Variants in KDM1B observed in about 807,000 individuals in gnomAD.
KDM1B encodes the protein lysine demethylase 1B.
KDM1B carries 63 observed loss-of-function variants against 107.4 expected under a neutral mutation model. That is an observed-to-expected ratio of 0.59 (90% CI 0.48 to 0.72). The LOEUF (loss-of-function observed/expected upper bound fraction) is 0.72. KDM1B is among the 30% of genes least tolerant of loss of function. The pLI, the probability that KDM1B is intolerant of heterozygous loss-of-function variation, is 0.00. For missense variants in KDM1B, 749 were observed against 1,020.8 expected, an observed-to-expected ratio of 0.73 and a Z score of 3.63; for synonymous variants, 363 against 363.9, an observed-to-expected ratio of 1.00 and a Z score of 0.03.
chr6:18,208,453 G>A, intron 17 of KDM1B, among the ~76,000 whole-genome samples: 1 of 150,880 alleles, frequency 6.6e-6, no homozygotes, highest in Non-Finnish European at 1.5e-5. Flanking sequence ...TGAGTTCTAG[G>A]GCACATTAGT....
intron 17 of KDM1B, among the ~76,000 whole-genome samples, chr6:18,208,603 G>GTGTGTATATATATATATA (rs1359166965): frequency 0.036 from 1,258 of 34,846 alleles, 194 homozygotes; most frequent in Non-Finnish European, 0.048. Flanking sequence ...GTATGTGTAT[G>GTGTGTATATATATATATA]TATATATATA....
At chr6:18,202,244 A>AGG (rs1554148412) in intron 14 of KDM1B, among the ~76,000 whole-genome samples, 7 of 143,564 alleles carry the variant, frequency 4.9e-5, no homozygotes, top group African/African-American at 2.0e-4. Flanking sequence ...ACAAAAAAAA[A>AGG]GGGCGGGGGG....
At chr6:18,208,323 T>G in intron 17 of KDM1B, 117 bp downstream of exon 17, 1 of 702,330 alleles carries the variant, frequency 1.4e-6, no homozygotes, top group Non-Finnish European at 2.5e-6. Flanking sequence ...GGACCCTTGT[T>G]GGATTTCTGG....
intron 15 of KDM1B, among the ~76,000 whole-genome samples, chr6:18,206,765 C>T (rs971132798): frequency 2.0e-5 from 3 of 152,028 alleles, no homozygotes; most frequent in Admixed American, 6.6e-5. Flanking sequence ...TGCAGAGGGC[C>T]TTGGGTCATT....
chr6:18,192,601 T>G (rs1408647728), intron 10 of KDM1B, among the ~76,000 whole-genome samples: 5 of 152,076 alleles, frequency 3.3e-5, no homozygotes, highest in African/African-American at 1.2e-4. Flanking sequence ...AAAATTGTGG[T>G]CAGAGTTTCC....
chr6:18,209,067 A>G lies in KDM1B; in HGVS notation c.1866+861A>G, dbSNP rs1266060897. Among the ~76,000 whole-genome samples the G allele has an allele frequency of 2.0e-5, 3 of 152,178 alleles. No individual in the cohort carries two copies. Among genetic ancestry groups the G allele is most frequent in the Admixed American group, 6.5e-5 (1 of 15,278 alleles). On this transcript the variant is annotated intron_variant, in intron 17 of 21. Coordinates refer to ENST00000650836, the MANE Select transcript of KDM1B (RefSeq NM_001364614.2). The surrounding 1 kb of genome is among the most constrained non-coding windows in gnomAD (Gnocchi z 4.3). ...CCACGGAATCCTTCTTCAGATCAGG[A>G]AAGTTCTGTTTTCATCTTGAAATCT...
rs754124483 is a variant in KDM1B, at chr6:18,171,418, A to G, written c.473A>G (p.Gln158Arg). The G allele has an allele frequency of 2.2e-5, 36 of 1,613,660 alleles. No individual in the cohort carries two copies. The highest frequency in any genetic ancestry group is 2.9e-5 in the Non-Finnish European group (34 of 1,179,644). Residue 158 changes from glutamine to arginine, a missense_variant, in exon 7 of 22, where the codon CAG becomes CGG. Coordinates refer to ENST00000650836, the MANE Select transcript of KDM1B (RefSeq NM_001364614.2). ...TGGAGGCAGCTTACCAAGGAAATCCAGCTTACTCCACAGATAGCCAAGACT... is the reference window on the plus strand; with the variant it reads ...TGGAGGCAGCTTACCAAGGAAATCCGGCTTACTCCACAGATAGCCAAGACT... ...RKWRQLTKEIQLTPQIAKTYR... is the reference protein window; with the variant it reads ...RKWRQLTKEIRLTPQIAKTYR...
At chr6:18,208,256 G>A in intron 17 of KDM1B, 50 bp downstream of exon 17, 1 of 1,349,360 alleles carries the variant, frequency 7.4e-7, no homozygotes. Flanking sequence ...GCTGCCAGGG[G>A]CTTGGAGGGA....
chr6:18,163,334 A>G (rs112955621), intron 5 of KDM1B, among the ~76,000 whole-genome samples: 4 of 152,312 alleles, frequency 2.6e-5, no homozygotes, highest in African/African-American at 9.6e-5. Flanking sequence ...TGCTGGGATT[A>G]CAGGCGTGAG....
At chr6:18,190,304 A>G (rs919419057) in intron 9 of KDM1B, among the ~76,000 whole-genome samples, 1 of 150,972 alleles carries the variant, frequency 6.6e-6, no homozygotes, top group Non-Finnish European at 1.5e-5. Context: ...TTAAAAACAG[A>G]TAAGAAGGCC....
intron 9 of KDM1B, among the ~76,000 whole-genome samples, chr6:18,189,351 A>G (rs1349514661): frequency 6.6e-6 from 1 of 152,218 alleles, no homozygotes; most frequent in African/African-American, 2.4e-5. Flanking sequence ...GACTGCTGTT[A>G]GGGAGAGTGT....
At chr6:18,175,425 C>G (rs1232375892) in intron 7 of KDM1B, among the ~76,000 whole-genome samples, 2 of 152,180 alleles carry the variant, frequency 1.3e-5, no homozygotes, top group African/African-American at 2.4e-5. Flanking sequence ...TTCTCCCACT[C>G]TCTGGGTTGT....
chr6:18,171,830 AAAAGGGGG>A (rs1267055201), intron 7 of KDM1B, among the ~76,000 whole-genome samples: 1 of 152,166 alleles, frequency 6.6e-6, no homozygotes, highest in African/African-American at 2.4e-5. Flanking sequence ...TCCTAAGCAG[AAAAGGGGG>A]AAAGGTCAAA....
chr6:18,221,145 C>T (rs1789699014), intron 21 of KDM1B, among the ~76,000 whole-genome samples: 1 of 152,122 alleles, frequency 6.6e-6, no homozygotes, highest in African/African-American at 2.4e-5. Flanking sequence ...TTCATTGAAG[C>T]CTTTGGCCCC....
intron 21 of KDM1B, among the ~76,000 whole-genome samples, chr6:18,218,216 G>A (rs1789397080): frequency 6.6e-6 from 1 of 152,062 alleles, no homozygotes; most frequent in Non-Finnish European, 1.5e-5. Context: ...AAACTCCCAG[G>A]CTCAGGTGAC....
intron 10 of KDM1B, among the ~76,000 whole-genome samples, chr6:18,195,103 T>G (rs2150952085): frequency 6.6e-6 from 1 of 152,344 alleles, no homozygotes; most frequent in Middle Eastern, 3.4e-3. Context: ...TTTATCCATG[T>G]TGTAGCACGT....
intron 7 of KDM1B, among the ~76,000 whole-genome samples, chr6:18,176,507 G>A (rs527256923): frequency 8.5e-5 from 13 of 152,256 alleles, no homozygotes; most frequent in African/African-American, 2.6e-4. Flanking sequence ...GAGGAGTGGT[G>A]AGATTGGGCA....
Position 18,200,521 on chromosome 6 carries a change from G to T in KDM1B, c.1304G>T (p.Gly435Val), listed in dbSNP as rs2150974059. 1 of 1,614,106 alleles carries T rather than the reference G, an allele frequency of 6.2e-7. No individual in the cohort carries two copies. Among genetic ancestry groups the T allele is most frequent in the Middle Eastern group, 1.7e-4 (1 of 6,060 alleles). The change falls in exon 13 of 22, where the codon GGA (glycine) becomes GTA (valine). Residue 435 changes from glycine to valine, a missense_variant. Coordinates refer to ENST00000650836, the MANE Select transcript of KDM1B (RefSeq NM_001364614.2). The surrounding 1 kb of genome is among the most constrained non-coding windows in gnomAD (Gnocchi z 4.3). ...KSFKGVTVGRGAQIVNGCINN... is the reference protein window; with the variant it reads ...KSFKGVTVGRVAQIVNGCINN... The stretch of plus-strand genomic sequence containing the variant: ...TTTAAAGGCGTCACAGTGGGAAGAG[G>T]AGCTCAGATTGTCAATGGGTGTATT...
At chr6:18,185,157 C>T (rs138607474) in intron 7 of KDM1B, among the ~76,000 whole-genome samples, 3 of 152,254 alleles carry the variant, frequency 2.0e-5, no homozygotes, top group South Asian at 2.1e-4. Context: ...ATGTGTCATA[C>T]GTATTTTCAG....
Sources: gnomAD v4.1 joint callset for allele counts (sites outside exome capture counted in the v4.1 genomes callset) on GRCh38, gnomAD v4.1.1 for gene constraint, Gnocchi (gnomAD v3.1) non-coding constraint, MANE v1.5 for transcripts, NCBI Gene and HGNC (gene_info 2026-07-23, HGNC 2026-07-21) for gene names.